RELL1: variants seen among roughly 807,000 people sequenced by gnomAD.
RELL1 encodes RELT like 1.
Under a neutral mutation model 23.0 loss-of-function variants are expected in RELL1, and 10 were observed. The ratio of observed to expected loss-of-function variants is 0.43; its 90% CI spans 0.27 to 0.74. The LOEUF is 0.74. Ranked by LOEUF, RELL1 falls within the 30% of genes least tolerant of loss-of-function variation. The probability of loss-of-function intolerance (pLI) is 0.19; values close to 1 mark genes in which losing one functional copy is unlikely to be tolerated. For synonymous variants in RELL1, 146 were observed against 146.8 expected (o/e 0.99, Z 0.04); for missense variants, 315 against 364.4 (o/e 0.86, Z 1.10).
At chr4:37,636,552 G>A (rs1398850449) in intron 4 of RELL1, among the ~76,000 whole-genome samples, 6 of 147,650 alleles carry the variant, frequency 4.1e-5, no homozygotes, top group Non-Finnish European at 7.4e-5. Flanking sequence ...CCTAGATCGC[G>A]CCACTGCACT....
intron 6 of RELL1, among the ~76,000 whole-genome samples, chr4:37,604,800 CACACACACAGACACACACACAG>C (rs1719114255): frequency 2.5e-5 from 3 of 122,078 alleles, no homozygotes; most frequent in Admixed American, 8.1e-5. Context: ...CACACACAGA[CACACACACAGACACACACACAG>C]ACACACACAT....
At chr4:37,667,242 A>C (rs1721565483) in intron 1 of RELL1, among the ~76,000 whole-genome samples, 1 of 152,096 alleles carries the variant, frequency 6.6e-6, no homozygotes, top group African/African-American at 2.4e-5. Flanking sequence ...TATTAATAAT[A>C]GTCACATATT....
intron 6 of RELL1, among the ~76,000 whole-genome samples, chr4:37,616,127 T>C (rs760327794): frequency 2.6e-5 from 4 of 152,306 alleles, no homozygotes; most frequent in Non-Finnish European, 5.9e-5. Context: ...ATAACAGCAC[T>C]GGCATTTGCA....
intron 1 of RELL1, among the ~76,000 whole-genome samples, chr4:37,651,087 T>G (rs1173176601): frequency 6.6e-6 from 1 of 151,282 alleles, no homozygotes; most frequent in African/African-American, 2.4e-5. Flanking sequence ...TTAAATTAAA[T>G]TAAAAAGTAT....
chr4:37,596,281 G>A (rs1718842181), intron 6 of RELL1, among the ~76,000 whole-genome samples: 1 of 152,126 alleles, frequency 6.6e-6, no homozygotes, highest in Non-Finnish European at 1.5e-5. Context: ...AAACTTCAGT[G>A]TGCCCCTGAG....
intron 1 of RELL1, among the ~76,000 whole-genome samples, chr4:37,658,117 G>C (rs1169546739): frequency 1.3e-5 from 2 of 152,080 alleles, no homozygotes; most frequent in Non-Finnish European, 2.9e-5. Context: ...ACAGAAGAGG[G>C]GACTTCAGCA....
Position 37,614,294 on chromosome 4 carries a change from A to G in RELL1, c.*4-952T>C, listed in dbSNP as rs113892379. Among the ~76,000 whole-genome samples, 903 of 152,298 alleles carry G rather than the reference A, an allele frequency of 5.9e-3. 5 individuals are homozygous for G. Among genetic ancestry groups the G allele is most frequent in the African/African-American group, 0.021 (864 of 41,554 alleles). ...ATTCAATATAATATTCATTTGGTCA[A>G]CCATAATATTCAATATTATATTCAA... On this transcript the variant is annotated intron_variant, in intron 6 of 6. Coordinates refer to ENST00000454158, the MANE Select transcript of RELL1 (RefSeq NM_001085400.2).
rs181697670 is a variant in RELL1 at position 37,670,281 on chromosome 4, T to C, written c.88+15919A>G. On this transcript the variant is annotated intron_variant, in intron 1 of 6. Transcript: ENST00000454158. ...ACTATAAGGTTGAACCATATGAAATTGTCACTGTAGTGTCAGAGTAATATT... is the reference window on the plus strand; with the variant it reads ...ACTATAAGGTTGAACCATATGAAATCGTCACTGTAGTGTCAGAGTAATATT... 4.7e-3 allele frequency among the ~76,000 whole-genome samples: 709 copies of C among 152,150 alleles called. 3 individuals are homozygous for C. The highest frequency in any genetic ancestry group is 7.4e-3 in the Non-Finnish European group (500 of 67,996).
intron 4 of RELL1, among the ~76,000 whole-genome samples, chr4:37,636,479 C>G (rs113008644): frequency 9.6e-4 from 146 of 151,798 alleles, no homozygotes; most frequent in African/African-American, 3.4e-3. Flanking sequence ...CCTGTAGTCC[C>G]AGCTAATCGG....
chr4:37,672,051 C>T (rs1721852909), intron 1 of RELL1, among the ~76,000 whole-genome samples: 2 of 152,182 alleles, frequency 1.3e-5, no homozygotes, highest in South Asian at 4.1e-4. Context: ...CCTCCCAACA[C>T]ATCCATATGT....
chr4:37,592,378 A>G (rs184410654), intron 6 of RELL1, among the ~76,000 whole-genome samples: 317 of 147,734 alleles, frequency 2.1e-3, no homozygotes, highest in Non-Finnish European at 3.2e-3. Flanking sequence ...AAAAAGAGCT[A>G]GACTACAAAA....
At chr4:37,625,313 A>G (rs1719901287) in intron 6 of RELL1, among the ~76,000 whole-genome samples, 1 of 152,238 alleles carries the variant, frequency 6.6e-6, no homozygotes, top group Non-Finnish European at 1.5e-5. Flanking sequence ...GATCTGGACA[A>G]TGATTTTTTG....
chr4:37,645,062 C>T (rs191905257), intron 3 of RELL1, among the ~76,000 whole-genome samples: 4 of 152,286 alleles, frequency 2.6e-5, no homozygotes, highest in African/African-American at 9.6e-5. Flanking sequence ...ACAGAACAGG[C>T]CCAGCACATA....
At chr4:37,677,925 T>A (rs1722071549) in intron 1 of RELL1, among the ~76,000 whole-genome samples, 1 of 151,564 alleles carries the variant, frequency 6.6e-6, no homozygotes, top group African/African-American at 2.4e-5. Context: ...TGAGCCGAGA[T>A]CACACCATTG....
At chr4:37,669,843 G>T (rs1721761906) in intron 1 of RELL1, among the ~76,000 whole-genome samples, 1 of 151,534 alleles carries the variant, frequency 6.6e-6, no homozygotes, top group South Asian at 2.1e-4. Flanking sequence ...AAGGCAGCAT[G>T]CTCGTTAAGA....
chr4:37,608,200 T>C (rs1665611775), downstream of RELL1, among the ~76,000 whole-genome samples: 1 of 152,148 alleles, frequency 6.6e-6, no homozygotes, highest in Admixed American at 6.5e-5. Context: ...TTAGGCCAGT[T>C]AGTAACCCTA....
Position 37,659,568 on chromosome 4 carries a change from A to T in RELL1, c.89-10068T>A, listed in dbSNP as rs187117324. ...CTAAATGTCTAAATGTTCATTTCTC[A>T]AAAGGGGTTTTTCTTCATCCACCTT... On this transcript the variant is annotated intron_variant, in intron 1 of 6. Transcript: ENST00000454158. 4.3e-4 allele frequency among the ~76,000 whole-genome samples: 66 copies of T among 151,986 alleles called. 1 individual carries two copies. The highest frequency in any genetic ancestry group is 1.0e-3 in the South Asian group (5 of 4,812).
chr4:37,590,844 C>G, exon 7 of RELL1: 1 of 1,614,192 alleles, frequency 6.2e-7, no homozygotes, highest in Non-Finnish European at 8.5e-7. Flanking sequence ...CTGTTCATGC[C>G]ATGCCTGTGG....
At chr4:37,588,623 C>T, downstream of RELL1, 1 of 501,800 alleles carries the variant, frequency 2.0e-6, no homozygotes, top group Non-Finnish European at 3.6e-6. Context: ...AGGTCTGACA[C>T]AGAGGCAAGT....
Sources: gnomAD v4.1 joint callset for allele counts (sites outside exome capture counted in the v4.1 genomes callset) on GRCh38, gnomAD v4.1.1 for gene constraint, MANE v1.5 for transcripts, NCBI Gene and HGNC (gene_info 2026-07-23, HGNC 2026-07-21) for gene names.